Variants in CDK7 observed in about 807,000 individuals in gnomAD.
CDK7 encodes cyclin dependent kinase 7.
In CDK7, 25 loss-of-function variants were observed where a neutral mutation model predicts 49.1. That is an observed-to-expected ratio of 0.51 (90% CI 0.37 to 0.71). The LOEUF is 0.71. Ranked by LOEUF, CDK7 falls within the 30% of genes least tolerant of loss-of-function variation. The pLI is 0.00. For synonymous variants in CDK7, 107 were observed against 140.0 expected, an observed-to-expected ratio of 0.76 and a Z score of 1.67; for missense variants, 316 against 411.7, an observed-to-expected ratio of 0.77 and a Z score of 2.01.
chr5:69,240,533 C>T (rs1749295636), intron 2 of CDK7, among the ~76,000 whole-genome samples: 1 of 152,182 alleles, frequency 6.6e-6, no homozygotes, highest in Non-Finnish European at 1.5e-5. Context: ...AAATATTGGT[C>T]ACTGTTGAAT....
At chr5:69,258,275 T>C (rs1750609253) in intron 6 of CDK7, 122 bp downstream of exon 6, 1 of 563,796 alleles carries the variant, frequency 1.8e-6, no homozygotes, top group Non-Finnish European at 3.1e-6. Context: ...TTATCCCATC[T>C]TTTTGCTATA....
intron 9 of CDK7, among the ~76,000 whole-genome samples, chr5:69,270,223 C>T (rs1420877411): frequency 1.3e-5 from 2 of 151,756 alleles, no homozygotes; most frequent in African/African-American, 4.8e-5. Flanking sequence ...GTCACTTGAG[C>T]CCAGGAGTTT....
intron 8 of CDK7, among the ~76,000 whole-genome samples, chr5:69,268,325 A>G (rs1561372686): frequency 6.6e-6 from 1 of 152,168 alleles, no homozygotes; most frequent in Non-Finnish European, 1.5e-5. Flanking sequence ...AGGGCAGGGA[A>G]TGTCTCGTTT....
intron 10 of CDK7, among the ~76,000 whole-genome samples, chr5:69,276,282 G>A (rs1752129751): frequency 6.6e-6 from 1 of 152,170 alleles, no homozygotes; most frequent in African/African-American, 2.4e-5. Context: ...ACCCGCCTCA[G>A]CCTCCCAAGG....
At chr5:69,271,796 G>A (rs2150232627) in intron 9 of CDK7, among the ~76,000 whole-genome samples, 1 of 152,248 alleles carries the variant, frequency 6.6e-6, no homozygotes, top group South Asian at 2.1e-4. Flanking sequence ...ACAGGCATGA[G>A]CCACTATGCC....
At chr5:69,260,037 T>C in intron 7 of CDK7, 101 bp downstream of exon 7, 3 of 759,780 alleles carry the variant, frequency 3.9e-6, no homozygotes, top group Middle Eastern at 2.4e-4. Flanking sequence ...TCATTGTTGA[T>C]AGATACCGTC....
At chr5:69,255,372 C>G in intron 4 of CDK7, 88 bp from the exon 5 acceptor site, 1 of 710,080 alleles carries the variant, frequency 1.4e-6, no homozygotes, top group Non-Finnish European at 2.4e-6. Flanking sequence ...AGTTTAAATG[C>G]TTTTTAAATT....
rs532579145 is a variant in CDK7, at chr5:69,266,545, T to G, written c.628-2662T>G. 3.9e-5 allele frequency among the ~76,000 whole-genome samples: 6 copies of G among 152,136 alleles called. No homozygotes were observed. In the East Asian group the frequency reaches 1.2e-3, roughly 29 times the overall value. Reference sequence around the variant, plus strand: ...CAGAGAGTAAACCAACGGGAAGACATGAGATGCAGGGAACATAAGATTCAA... The same window carrying G: ...CAGAGAGTAAACCAACGGGAAGACAGGAGATGCAGGGAACATAAGATTCAA... On this transcript the variant is annotated intron_variant, in intron 8 of 11. Transcript: ENST00000256443.
intron 5 of CDK7, among the ~76,000 whole-genome samples, chr5:69,256,656 A>C (rs191783606): frequency 5.3e-5 from 8 of 152,250 alleles, no homozygotes; most frequent in Non-Finnish European, 1.0e-4. Flanking sequence ...CTTTTAGATA[A>C]ATACCTAGCA....
intron 2 of CDK7, among the ~76,000 whole-genome samples, chr5:69,239,584 A>G (rs1345060758): frequency 1.3e-5 from 2 of 151,986 alleles, no homozygotes; most frequent in Admixed American, 6.6e-5. Context: ...ATTCTTTTAT[A>G]TTCTGGATAT....
At position 69,277,089 on chromosome 5, in the gene CDK7, G is replaced by C. The variant is rs757120567; in HGVS notation, c.1013-18G>C. 15 of 1,569,256 alleles carry C rather than the reference G, an allele frequency of 9.6e-6. No individual in the cohort carries two copies. The highest frequency in any genetic ancestry group is 1.9e-5 in the Admixed American group (1 of 52,248). ...AATGTGAACAACTTTTTTTTTTCTTGTTCTTTTTGCTTCCTAGGAGGATTG... is the reference window on the plus strand; with the variant it reads ...AATGTGAACAACTTTTTTTTTTCTTCTTCTTTTTGCTTCCTAGGAGGATTG... On this transcript the variant is annotated intron_variant, in intron 11 of 11. Transcript: ENST00000256443.
At chr5:69,253,142 T>C (rs1050008384) in intron 3 of CDK7, among the ~76,000 whole-genome samples, 1 of 152,258 alleles carries the variant, frequency 6.6e-6, no homozygotes, top group African/African-American at 2.4e-5. Flanking sequence ...ATGGAATAGA[T>C]ACATGAGGAA....
intron 7 of CDK7, among the ~76,000 whole-genome samples, 167 bp from the exon 8 acceptor site, chr5:69,262,038 C>T (rs1221855473): frequency 1.3e-5 from 2 of 152,116 alleles, no homozygotes; most frequent in Non-Finnish European, 2.9e-5. Flanking sequence ...AAGGAGAGAA[C>T]TGCAAGAGTA....
At chr5:69,272,611 T>G (rs1055249658) in intron 9 of CDK7, among the ~76,000 whole-genome samples, 2 of 152,150 alleles carry the variant, frequency 1.3e-5, no homozygotes, top group African/African-American at 2.4e-5. Flanking sequence ...TTTGTTACAT[T>G]TTTCACCTGT....
intron 9 of CDK7, 68 bp from the exon 10 acceptor site, chr5:69,272,824 T>C: frequency 1.0e-6 from 1 of 1,002,438 alleles, no homozygotes; most frequent in Non-Finnish European, 1.4e-6. Flanking sequence ...CACCTGAAAA[T>C]GATTTATTTC....
rs1166014878 is a variant in CDK7 at position 69,269,217 on chromosome 5, T to C, written c.638T>C (p.Leu213Ser). ...CTTACTTTCTTTCAGGTTCCTTTTT[T>C]GCCAGGAGATTCAGACCTTGATCAG... ...LAELLLRVPF[L>S]PGDSDLDQLT... Residue 213 changes from leucine to serine, a missense_variant, in exon 9 of 12, where the codon TTG (leucine) becomes TCG (serine). Leu to Ser is a moderately radical substitution (Grantham distance 145). Coordinates refer to ENST00000256443, the MANE Select transcript of CDK7 (RefSeq NM_001799.4). 6.2e-7 allele frequency: 1 copy of C among 1,603,710 alleles called. No individual in the cohort carries two copies. Among genetic ancestry groups the C allele is most frequent in the Non-Finnish European group, 8.5e-7 (1 of 1,176,862 alleles).
intron 7 of CDK7, among the ~76,000 whole-genome samples, chr5:69,261,490 C>CTGTGTGTGTGTGTGTGTG (rs1168767153): frequency 7.2e-6 from 1 of 139,546 alleles, no homozygotes; most frequent in South Asian, 2.5e-4. Flanking sequence ...AAAAGGTTCT[C>CTGTGTGTGTGTGTGTGTG]TGTGTGTGTG....
intron 2 of CDK7, among the ~76,000 whole-genome samples, chr5:69,251,567 T>C (rs986725739): frequency 2.2e-4 from 34 of 152,188 alleles, no homozygotes; most frequent in African/African-American, 7.9e-4. Flanking sequence ...TTTGAGACAG[T>C]CTCTCTCTGT....
intron 2 of CDK7, among the ~76,000 whole-genome samples, chr5:69,241,071 G>A (rs941950946): frequency 7.2e-5 from 11 of 152,068 alleles, no homozygotes; most frequent in Non-Finnish European, 1.5e-4. Flanking sequence ...ATATCTCTTG[G>A]ACATACAGAT....
Sources: allele counts gnomAD v4.1 joint callset (sites outside exome capture counted in the v4.1 genomes callset), GRCh38; gene constraint gnomAD v4.1.1; transcripts MANE v1.5; gene names NCBI Gene and HGNC (gene_info 2026-07-23, HGNC 2026-07-21).